The following CNNM1 variants were observed in gnomAD, a reference collection of about 807,000 sequenced individuals.
CNNM1 encodes the protein cyclin and CBS domain divalent metal cation transport mediator 1, also known as metal transporter CNNM1.
Under a neutral mutation model 78.8 loss-of-function variants are expected in CNNM1, and 44 were observed. The ratio of observed to expected loss-of-function variants is 0.56; its 90% confidence interval spans 0.44 to 0.72. The LOEUF (loss-of-function observed/expected upper bound fraction) is 0.72. Ranked by LOEUF, CNNM1 falls within the 30% of genes least tolerant of loss-of-function variation. CNNM1 has a pLI of 0.00. For synonymous variants in CNNM1, 584 were observed against 581.5 expected, an observed-to-expected ratio of 1.00 and a Z score of -0.06; for missense variants, 1,101 against 1,292.2, an observed-to-expected ratio of 0.85 and a Z score of 2.27.
chr10:99,339,091 CAATT>C (rs1466563833), intron 1 of CNNM1, among the ~76,000 whole-genome samples: 5 of 152,282 alleles, frequency 3.3e-5, no homozygotes, highest in Middle Eastern at 3.4e-3. Flanking sequence ...ACATTTAACT[CAATT>C]AAACAATTCA....
chr10:99,384,835 G>T (rs1173894173), intron 7 of CNNM1, among the ~76,000 whole-genome samples: 2 of 152,124 alleles, frequency 1.3e-5, no homozygotes, highest in Middle Eastern at 3.2e-3. Flanking sequence ...GGAGGCTGAG[G>T]AGGGTGATGT....
At chr10:99,331,418 T>G (rs550411425) in intron 1 of CNNM1, among the ~76,000 whole-genome samples, 1 of 152,344 alleles carries the variant, frequency 6.6e-6, no homozygotes, top group Admixed American at 6.5e-5. Context: ...ACAGCTCCAG[T>G]GGCTGACAAT....
At chr10:99,347,521 AAAAAC>A (rs1482966570) in intron 1 of CNNM1, among the ~76,000 whole-genome samples, 1 of 152,066 alleles carries the variant, frequency 6.6e-6, no homozygotes, top group Non-Finnish European at 1.5e-5. Context: ...TTCTGTCTCA[AAAAAC>A]AAAACAAAAC....
chr10:99,337,674 A>G (rs2030251563), intron 1 of CNNM1, among the ~76,000 whole-genome samples: 1 of 152,226 alleles, frequency 6.6e-6, no homozygotes, highest in African/African-American at 2.4e-5. Flanking sequence ...TTTGTTTATA[A>G]GTGCCTCCCA....
rs145940805 is a variant in CNNM1, at chr10:99,382,624, A to G, written c.2341-5196A>G. 9.6e-3 allele frequency among the ~76,000 whole-genome samples: 1,467 copies of G among 152,318 alleles called. 23 individuals are homozygous for G. The highest frequency in any genetic ancestry group is 0.033 in the African/African-American group (1,369 of 41,572). On this transcript the variant is annotated intron_variant, in intron 7 of 10. Coordinates refer to ENST00000356713, the MANE Select transcript of CNNM1 (RefSeq NM_020348.3). ...ATAAAAATAAATTTTTAAATTAGCC[A>G]GGCATGGTGGCATGCACTTGTAGTC...
chr10:99,336,007 G>A (rs965452787), intron 1 of CNNM1, among the ~76,000 whole-genome samples: 4 of 152,166 alleles, frequency 2.6e-5, no homozygotes, highest in South Asian at 2.1e-4. Flanking sequence ...TCTGGGTGTC[G>A]TTAGGGCTTC....
At chr10:99,339,060 T>C (rs2030325033) in intron 1 of CNNM1, among the ~76,000 whole-genome samples, 1 of 152,230 alleles carries the variant, frequency 6.6e-6, no homozygotes, top group Non-Finnish European at 1.5e-5. Context: ...TCAAAGCTTC[T>C]GAGTAATACA....
intron 6 of CNNM1, among the ~76,000 whole-genome samples, chr10:99,368,899 T>A (rs1229587405): frequency 6.6e-6 from 1 of 152,234 alleles, no homozygotes; most frequent in Non-Finnish European, 1.5e-5. Flanking sequence ...GGAATGTATC[T>A]GTGTATGCAC....
chr10:99,364,754 T>C (rs1404755326), intron 5 of CNNM1, among the ~76,000 whole-genome samples: 1 of 152,198 alleles, frequency 6.6e-6, no homozygotes, highest in Middle Eastern at 3.2e-3. Context: ...TATTGTCAAG[T>C]GTTAGGGATC....
At chr10:99,336,832 A>G (rs773678252) in intron 1 of CNNM1, among the ~76,000 whole-genome samples, 1 of 152,114 alleles carries the variant, frequency 6.6e-6, no homozygotes, top group African/African-American at 2.4e-5. Flanking sequence ...CCGGGCAGTA[A>G]TGGTGCACAC....
chr10:99,337,782 T>C (rs1437311702), intron 1 of CNNM1, among the ~76,000 whole-genome samples: 3 of 152,212 alleles, frequency 2.0e-5, no homozygotes, highest in African/African-American at 7.2e-5. Flanking sequence ...TTTCAATGAA[T>C]GTTTGTTTAA....
At chr10:99,335,171 T>C (rs1000512897) in intron 1 of CNNM1, among the ~76,000 whole-genome samples, 3 of 152,228 alleles carry the variant, frequency 2.0e-5, no homozygotes, top group African/African-American at 7.2e-5. Context: ...ATTACAGTAA[T>C]TGCTAACATG....
intron 3 of CNNM1, among the ~76,000 whole-genome samples, chr10:99,362,012 C>T (rs2031449382): frequency 6.6e-6 from 1 of 152,196 alleles, no homozygotes; most frequent in Non-Finnish European, 1.5e-5. Context: ...TGCAGGGACA[C>T]ACATCTCCAG....
chr10:99,389,416 C>CAAAA (rs56180037), intron 9 of CNNM1, among the ~76,000 whole-genome samples: 8 of 84,022 alleles, frequency 9.5e-5, no homozygotes, highest in Non-Finnish European at 1.2e-4. Context: ...GATTCCATCT[C>CAAAA]AAAAAAAAAA....
chr10:99,380,684 G>C (rs553469981), intron 7 of CNNM1, among the ~76,000 whole-genome samples: 1 of 151,828 alleles, frequency 6.6e-6, no homozygotes, highest in African/African-American at 2.4e-5. Flanking sequence ...CCAGCTACTC[G>C]GGAGGCTGAG....
At position 99,360,921 on chromosome 10, in the gene CNNM1, C is replaced by T. The variant is rs761658293; in HGVS notation, c.1804C>T (p.Arg602Trp). 11 of 1,612,802 alleles carry T rather than the reference C, an allele frequency of 6.8e-6. No individual in the cohort carries two copies. Among genetic ancestry groups the T allele is most frequent in the South Asian group, 3.3e-5 (3 of 91,024 alleles). The change falls in exon 3 of 11, where the codon CGG (arginine) becomes TGG (tryptophan). Residue 602 changes from arginine (R) to tryptophan (W), a missense_variant. By Grantham distance (101) the Arg-to-Trp change is moderately radical. Coordinates refer to ENST00000356713, the MANE Select transcript of CNNM1 (RefSeq NM_020348.3). ...GTTTAAGCTTTCGGACACGGAGATGCGGGTGAAGATCTCACCACAGCTTCT... is the reference window on the plus strand; with the variant it reads ...GTTTAAGCTTTCGGACACGGAGATGTGGGTGAAGATCTCACCACAGCTTCT... ...SLFKLSDTEM[R>W]VKISPQLLLA...
intron 1 of CNNM1, among the ~76,000 whole-genome samples, chr10:99,339,396 G>C (rs570424737): frequency 6.6e-6 from 1 of 152,290 alleles, no homozygotes; most frequent in South Asian, 2.1e-4. Flanking sequence ...CCCAAAGCAG[G>C]GGTCCCTAAC....
chr10:99,365,053 C>T (rs1454297243), intron 6 of CNNM1, 51 bp downstream of exon 6: 2 of 1,596,452 alleles, frequency 1.3e-6, no homozygotes, highest in Non-Finnish European at 1.7e-6. Flanking sequence ...AGTCCTGCCT[C>T]AGCCCGCTCT....
At chr10:99,353,693 T>C (rs1410504893) in intron 1 of CNNM1, among the ~76,000 whole-genome samples, 1 of 152,236 alleles carries the variant, frequency 6.6e-6, no homozygotes. Flanking sequence ...AGGATTGTGA[T>C]TGACAATTCC....
Sources: allele counts gnomAD v4.1 joint callset (sites outside exome capture counted in the v4.1 genomes callset), GRCh38; gene constraint gnomAD v4.1.1; transcripts MANE v1.5; gene names NCBI Gene and HGNC (gene_info 2026-07-23, HGNC 2026-07-21).